TRPC3: variants seen among roughly 807,000 people sequenced by gnomAD.
The protein encoded by TRPC3 is short transient receptor potential channel 3.
Under a neutral mutation model 90.9 loss-of-function variants are expected in TRPC3, and 54 were observed. The ratio of observed to expected loss-of-function variants is 0.59; its 90% CI spans 0.48 to 0.75. The LOEUF is 0.75. Ranked by LOEUF, TRPC3 falls within the 30% of genes least tolerant of loss-of-function variation. The pLI is 0.00. For missense variants in TRPC3, 918 were observed against 1,194.5 expected (o/e 0.77, Z 3.41); for synonymous variants, 424 against 450.9 (o/e 0.94, Z 0.75).
chr4:121,895,917 T>C (rs1025072413), intron 10 of TRPC3, among the ~76,000 whole-genome samples: 1 of 152,042 alleles, frequency 6.6e-6, no homozygotes, highest in African/African-American at 2.4e-5. Flanking sequence ...TGAACATAGA[T>C]GTAAAAATCC....
chr4:121,936,388 C>T (rs944975629), intron 1 of TRPC3, among the ~76,000 whole-genome samples: 13 of 152,190 alleles, frequency 8.5e-5, no homozygotes, highest in Non-Finnish European at 1.8e-4. Context: ...ACCCTCAGAT[C>T]TTCATCCAAT....
At chr4:121,928,868 C>T (rs1729803321) in intron 2 of TRPC3, among the ~76,000 whole-genome samples, 1 of 152,000 alleles carries the variant, frequency 6.6e-6, no homozygotes, top group African/African-American at 2.4e-5. Flanking sequence ...TCTTAACAGG[C>T]TTGGTTCTGT....
chr4:121,949,136 T>C (rs1239363936), intron 1 of TRPC3, among the ~76,000 whole-genome samples: 6 of 152,176 alleles, frequency 3.9e-5, no homozygotes, highest in African/African-American at 1.2e-4. Context: ...GAAACATTTT[T>C]AAAAAATGAG....
chr4:121,888,579 T>C (rs1187547901), intron 10 of TRPC3, among the ~76,000 whole-genome samples: 4 of 150,382 alleles, frequency 2.7e-5, no homozygotes, highest in Admixed American at 1.3e-4. Flanking sequence ...TTTTTTTTAG[T>C]AGAGACAGGG....
chr4:121,880,014 A>C, intron 11 of TRPC3, 136 bp from the exon 12 acceptor site: 2 of 724,176 alleles, frequency 2.8e-6, no homozygotes, highest in Non-Finnish European at 2.1e-6. Flanking sequence ...TTTTTTCTTT[A>C]AAATATTTAA....
chr4:121,879,654 C>T lies in TRPC3; in HGVS notation c.*82G>A. On this transcript the variant is annotated 3_prime_UTR_variant, in exon 12 of 12. Transcript: ENST00000379645. ...GGTAGTTAATACTAAAAATTTACATCATAGTTTTTCAAGTATTTCATACTT... is the reference window on the plus strand; with the variant it reads ...GGTAGTTAATACTAAAAATTTACATTATAGTTTTTCAAGTATTTCATACTT... 6.8e-7 allele frequency: 1 copy of T among 1,468,592 alleles called. No individual in the cohort carries two copies. The highest frequency in any genetic ancestry group is 1.3e-5 in the South Asian group (1 of 75,224). The allele number at this position is 1,468,592 out of a possible 1,614,324, so 91.0% of individuals were successfully genotyped here.
At chr4:121,943,140 C>A (rs546002444) in intron 1 of TRPC3, among the ~76,000 whole-genome samples, 1 of 151,910 alleles carries the variant, frequency 6.6e-6, no homozygotes, top group South Asian at 2.1e-4. Flanking sequence ...CCCAGATGCA[C>A]GCATAGTTAA....
rs201772556 is a variant in TRPC3, at chr4:121,879,850, G to A, written c.2652C>T (p.Ile884=). Residue 884 remains isoleucine, a synonymous_variant, in exon 12 of 12, where the codon ATC becomes ATT. Transcript: ENST00000379645. ...EGELKEIKQD[I]SSLRYELLED... ...CCAAAAGTTCATAACGAAGGCTGGA[G>A]ATATCTTGCTTGATTTCTTTTAATT... 4.4e-6 allele frequency: 7 copies of A among 1,597,836 alleles called. No individual in the cohort carries two copies. Among genetic ancestry groups the A allele is most frequent in the Non-Finnish European group, 8.5e-7 (1 of 1,175,262 alleles).
At chr4:121,894,965 T>C (rs902784137) in intron 10 of TRPC3, among the ~76,000 whole-genome samples, 3 of 152,124 alleles carry the variant, frequency 2.0e-5, no homozygotes, top group Non-Finnish European at 2.9e-5. Flanking sequence ...TATCAAGTAT[T>C]TTATCTGACC....
intron 5 of TRPC3, among the ~76,000 whole-genome samples, chr4:121,911,526 T>A (rs1289084960): frequency 6.6e-6 from 1 of 152,238 alleles, no homozygotes; most frequent in Non-Finnish European, 1.5e-5. Flanking sequence ...AAAGTATTTG[T>A]CATCAGTTGA....
In TRPC3 at chr4:121,951,697, C is replaced by G. The variant is rs1314871595; in HGVS notation, c.-17G>C. 2.3e-6 allele frequency: 3 copies of G among 1,304,634 alleles called. No homozygotes were observed. Among genetic ancestry groups the G allele is most frequent in the Non-Finnish European group, 3.0e-6 (3 of 1,016,508 alleles). The allele number at this position is 1,304,634 out of a possible 1,614,324, so 80.8% of individuals were successfully genotyped here. On this transcript the variant is annotated 5_prime_UTR_variant, in exon 1 of 12. Coordinates refer to ENST00000379645, the MANE Select transcript of TRPC3 (RefSeq NM_001130698.2). This position sits in a 1 kb window ranked among gnomAD's most constrained non-coding sequence, Gnocchi z 4.4. ...GGTGGACATCGCGCCGGCTGCGGTC[C>G]GAGTGTGGGGGTGCCGGCTGCCGGC...
rs549806676 is a variant in TRPC3 at position 121,876,305 on chromosome 4, T to C, written c.*3431A>G. Among the ~76,000 whole-genome samples the C allele has an allele frequency of 2.6e-5, 4 of 152,276 alleles. No individual in the cohort carries two copies. The highest frequency in any genetic ancestry group is 4.1e-4 in the South Asian group (2 of 4,824). ...CTAAAAATGTATTTTAAAAACTTTA[T>C]TTAAAAAATTTAAAAAGACATGGAA... is the stretch of plus-strand genomic sequence containing the variant. On this transcript the variant is annotated 3_prime_UTR_variant, in exon 12 of 12. Transcript: ENST00000379645.
At chr4:121,897,901 C>T (rs1189458614) in intron 10 of TRPC3, among the ~76,000 whole-genome samples, 2 of 152,056 alleles carry the variant, frequency 1.3e-5, no homozygotes, top group African/African-American at 4.8e-5. Context: ...TGAAATCAAC[C>T]TAGGTGTCTA....
In TRPC3 at chr4:121,914,716, A is replaced by AT. The variant is rs1009093710; in HGVS notation, c.1341+63dup. On this transcript the variant is annotated intron_variant, in intron 4 of 11. Coordinates refer to ENST00000379645, the MANE Select transcript of TRPC3 (RefSeq NM_001130698.2). ...AAGATTCTTAAGCATGAAGCTTTTT[A>AT]TTTTTTTATCCCAAAGAGACACAGT... 18 of 1,414,342 alleles carry AT rather than the reference A, an allele frequency of 1.3e-5. No homozygotes were observed. In the African/African-American group the frequency reaches 2.0e-4, roughly 16 times the overall value. The allele number at this position is 1,414,342 out of a possible 1,614,324, so 87.6% of individuals were successfully genotyped here. A position where few individuals can be genotyped will look rare whatever the true frequency, so the allele number is the denominator to read the frequency against.
intron 10 of TRPC3, among the ~76,000 whole-genome samples, chr4:121,893,462 T>C (rs72919934): frequency 0.011 from 1,623 of 152,240 alleles, 24 homozygotes; most frequent in African/African-American, 0.038. Flanking sequence ...AAAGACAACA[T>C]ATTTGGATTC....
chr4:121,897,149 A>G lies in TRPC3; in HGVS notation c.2547+2463T>C, dbSNP rs998412673. 2.7e-4 allele frequency among the ~76,000 whole-genome samples: 41 copies of G among 152,148 alleles called. 1 individual carries two copies. Among genetic ancestry groups the G allele is most frequent in the African/African-American group, 8.0e-4 (33 of 41,448 alleles). On this transcript the variant is annotated intron_variant, in intron 10 of 11. Transcript: ENST00000379645. The stretch of plus-strand genomic sequence containing the variant: ...TTGTATAAAAATCAGGGCAAAATGG[A>G]CCAAAGACCTAAATGTAAGACCTGA...
At chr4:121,950,077 T>C (rs1307275898) in intron 1 of TRPC3, among the ~76,000 whole-genome samples, 1 of 152,200 alleles carries the variant, frequency 6.6e-6, no homozygotes, top group Admixed American at 6.5e-5. Context: ...GGCGCTTTCA[T>C]CCCAAAGGAT....
chr4:121,941,129 C>T (rs1248525532), intron 1 of TRPC3, among the ~76,000 whole-genome samples: 2 of 152,130 alleles, frequency 1.3e-5, no homozygotes, highest in African/African-American at 4.8e-5. Context: ...GCATGCTGAG[C>T]TTATGTGTCA....
intron 1 of TRPC3, among the ~76,000 whole-genome samples, chr4:121,941,862 G>A (rs1313691679): frequency 6.6e-6 from 1 of 152,070 alleles, no homozygotes; most frequent in Non-Finnish European, 1.5e-5. Context: ...GGGACACTCT[G>A]AACCCCAGTA....
Sources: gnomAD v4.1 joint callset for allele counts (sites outside exome capture counted in the v4.1 genomes callset) on GRCh38, gnomAD v4.1.1 for gene constraint, Gnocchi (gnomAD v3.1) non-coding constraint, MANE v1.5 for transcripts, NCBI Gene and HGNC (gene_info 2026-07-23, HGNC 2026-07-21) for gene names.